Variants in CYP2F1 observed in about 807,000 individuals in gnomAD.
CYP2F1 encodes cytochrome P450 family 2 subfamily F member 1.
In CYP2F1, 33 loss-of-function variants were observed where a neutral mutation model predicts 40.4. The ratio of observed to expected loss-of-function variants is 0.82; its 90% CI spans 0.62 to 1.09. CYP2F1 has a LOEUF of 1.09. CYP2F1 is among the 50% of genes least tolerant of loss of function. The pLI is 0.00. For missense variants in CYP2F1, 566 were observed against 655.7 expected (o/e 0.86, Z 1.49); for synonymous variants, 235 against 277.2 (o/e 0.85, Z 1.51).
rs919554667 is a variant in CYP2F1 at position 41,116,042 on chromosome 19, C to T, written c.-11-136C>T. On this transcript the variant is annotated intron_variant, in intron 1 of 9. Transcript: ENST00000331105. ...CTTTCCTCCTTTCTCCCTCCCTTCC[C>T]CATCCCCTGGCCTCTCCCTGTCTCC... The T allele has an allele frequency of 3.8e-5, 28 of 734,884 alleles. No homozygotes were observed. The South Asian group carries it at 5.3e-4, about 14-fold the overall frequency. The allele number at this position is 734,884 out of a possible 1,614,324, so 45.5% of individuals were successfully genotyped here.
rs541860680 is a variant in CYP2F1, at chr19:41,120,722, T to A, written c.484+226T>A. Among the ~76,000 whole-genome samples, 4 of 152,032 alleles carry A rather than the reference T, an allele frequency of 2.6e-5. No homozygotes were observed. In the East Asian group the frequency reaches 6.0e-4, roughly 23 times the overall value. ...GTCTCAAACTCCTGTGTGCAAATGA[T>A]CCTCTTGCCTCTGCCTCCCAGAGTG... On this transcript the variant is annotated intron_variant, in intron 4 of 9. Transcript: ENST00000331105.
intron 3 of CYP2F1, among the ~76,000 whole-genome samples, chr19:41,119,723 C>CTCTCTCTATA (rs1478574507): frequency 4.7e-4 from 17 of 35,806 alleles, no homozygotes; most frequent in Admixed American, 8.6e-4. Flanking sequence ...CTCTCTCTCT[C>CTCTCTCTATA]TATATATATA....
rs1180419259 is a variant in CYP2F1 at position 41,116,744 on chromosome 19, GC to G, written c.334+128del. ...GCTGACATCACTGATGACACCAAAT[GC>G]AATGCAGCGAGGCAGTGTTGGTCTA... On this transcript the variant is annotated intron_variant, in intron 3 of 9. Coordinates refer to ENST00000331105, the MANE Select transcript of CYP2F1 (RefSeq NM_000774.5). 3 of 1,076,848 alleles carry G rather than the reference GC, an allele frequency of 2.8e-6. No individual in the cohort carries two copies. In the African/African-American group the frequency reaches 4.8e-5, roughly 17 times the overall value. The allele number at this position is 1,076,848 out of a possible 1,614,324, so 66.7% of individuals were successfully genotyped here.
chr19:41,123,481 G>C lies in CYP2F1; in HGVS notation c.964+518G>C, dbSNP rs180739252. ...GATCCACCTGCCTCAGCCTCCCAAAGTGCTGGGATTACAGGCGTGAGCCAC... is the reference window on the plus strand; with the variant it reads ...GATCCACCTGCCTCAGCCTCCCAAACTGCTGGGATTACAGGCGTGAGCCAC... On this transcript the variant is annotated intron_variant, in intron 7 of 9. Coordinates refer to ENST00000331105, the MANE Select transcript of CYP2F1 (RefSeq NM_000774.5). 6.1e-4 allele frequency: 202 copies of C among 332,194 alleles called. 1 individual carries two copies. Among genetic ancestry groups the C allele is most frequent in the Non-Finnish European group, 4.7e-4 (79 of 169,746 alleles). 20.6% of individuals were successfully genotyped at this position (332,194 alleles called of 1,614,324 possible).
chr19:41,123,124 C>T (rs1484518451), intron 7 of CYP2F1, 161 bp downstream of exon 7: 1 of 801,070 alleles, frequency 1.2e-6, no homozygotes, highest in Admixed American at 2.0e-5. Flanking sequence ...GATCCCACCA[C>T]ATGGCCCATG....
rs1290627675 is a variant in CYP2F1, at chr19:41,119,723, C to CTATA, written c.335-601_335-598dup. Among the ~76,000 whole-genome samples, 79 of 35,730 alleles carry CTATA rather than the reference C, an allele frequency of 2.2e-3. 1 individual carries two copies. The highest frequency in any genetic ancestry group is 2.5e-3 in the Non-Finnish European group (48 of 19,210). The allele number at this position is 35,730 out of a possible 152,430, so 23.4% of individuals were successfully genotyped here. A position where few individuals can be genotyped will look rare whatever the true frequency, so the allele number is the denominator to read the frequency against. On this transcript the variant is annotated intron_variant, in intron 3 of 9. Transcript: ENST00000331105. The stretch of plus-strand genomic sequence containing the variant: ...TCTCTCTCTCTCTCTCTCTCTCTCT[C>CTATA]TATATATATATATATATATATATAT...
At chr19:41,123,220 CG>C (rs2056181321) in intron 7 of CYP2F1, 1 of 565,148 alleles carries the variant, frequency 1.8e-6, no homozygotes, top group Non-Finnish European at 3.4e-6. Context: ...TTTTTGGAGA[CG>C]GAGTCTGGCT....
chr19:41,119,025 G>T (rs1370559291), intron 3 of CYP2F1, among the ~76,000 whole-genome samples: 2 of 152,162 alleles, frequency 1.3e-5, no homozygotes, highest in African/African-American at 2.4e-5. Context: ...TCCAGGCTGG[G>T]ATGGGGGAAG....
In CYP2F1 at chr19:41,116,634, T is replaced by A; in HGVS notation, c.334+17T>A. On this transcript the variant is annotated intron_variant, in intron 3 of 9. Transcript: ENST00000331105. ...AGGGCAATGGTAAGCCTCGTCCTTG[T>A]CTCCTCCGCTCTCGGCCTTTTCCAT... 1 of 1,611,894 alleles carries A rather than the reference T, an allele frequency of 6.2e-7. No individual in the cohort carries two copies. The highest frequency in any genetic ancestry group is 8.5e-7 in the Non-Finnish European group (1 of 1,179,156).
rs1479841979 is a variant in CYP2F1 at position 41,125,573 on chromosome 19, G to A, written c.1233G>A (p.Glu411=). The part of the protein sequence containing the change: ...QFLTPQEFNP[E]HFLDANQSFK... ...TGACGCCCCAGGAGTTCAACCCCGA[G>A]CATTTTTTGGATGCCAATCAGTCCT... The change falls in exon 9 of 10, where the codon GAG becomes GAA. Residue 411 remains glutamate (E), a synonymous_variant. Coordinates refer to ENST00000331105, the MANE Select transcript of CYP2F1 (RefSeq NM_000774.5). 6.2e-7 allele frequency: 1 copy of A among 1,609,518 alleles called. No individual in the cohort carries two copies. The highest frequency in any genetic ancestry group is 8.5e-7 in the Non-Finnish European group (1 of 1,177,698).
chr19:41,116,563 G>A lies in CYP2F1; in HGVS notation c.280G>A (p.Glu94Lys). The change falls in exon 3 of 10, where the codon GAG (glutamate) becomes AAG (lysine). Residue 94 changes from glutamate (E) to lysine (K), a missense_variant. Physicochemically the swap from Glu to Lys is moderately conservative, Grantham distance 56 (BLOSUM62 1). Transcript: ENST00000331105. Reference protein sequence around the residue: ...VKEALVDQGEEFSGRGDYPAF... With the variant: ...VKEALVDQGEKFSGRGDYPAF... Reference sequence around the variant, plus strand: ...GGAGGCCCTGGTGGACCAGGGAGAGGAGTTTAGTGGCCGCGGTGACTACCC... The same window carrying A: ...GGAGGCCCTGGTGGACCAGGGAGAGAAGTTTAGTGGCCGCGGTGACTACCC... 6.2e-7 allele frequency: 1 copy of A among 1,614,034 alleles called. No individual in the cohort carries two copies. Among genetic ancestry groups the A allele is most frequent in the Non-Finnish European group, 8.5e-7 (1 of 1,179,992 alleles).
chr19:41,124,476 A>G (rs1249203338), intron 7 of CYP2F1, among the ~76,000 whole-genome samples: 1 of 151,610 alleles, frequency 6.6e-6, no homozygotes, highest in Non-Finnish European at 1.5e-5. Flanking sequence ...TGTTGCCCAG[A>G]TGGTCTCAAA....
At chr19:41,126,944 A>T (rs1003280100) in intron 9 of CYP2F1, among the ~76,000 whole-genome samples, 1 of 151,788 alleles carries the variant, frequency 6.6e-6, no homozygotes, top group African/African-American at 2.4e-5. Flanking sequence ...CTCCCTCTTT[A>T]CTCAGTGGCA....
Position 41,121,613 on chromosome 19 carries a change from G to A in CYP2F1, c.640G>A (p.Gly214Ser), listed in dbSNP as rs764523727. The A allele has an allele frequency of 4.0e-5, 64 of 1,609,438 alleles. 2 individuals carry two copies. The highest frequency in any genetic ancestry group is 1.8e-4 in the South Asian group (16 of 90,834). ...DNFQIMSSPW[G>S]ELYDIFPSLL... is the part of the protein sequence containing the mutation. ...CTTCCAAATCATGAGCAGCCCCTGGGGCGAGGTCAGCCAACTGAGTCCAGC... is the reference window on the plus strand; with the variant it reads ...CTTCCAAATCATGAGCAGCCCCTGGAGCGAGGTCAGCCAACTGAGTCCAGC... Residue 214 changes from glycine (G) to serine (S), a missense_variant, in exon 5 of 10, where the codon GGC (glycine) becomes AGC (serine). Around this residue, in one of 5 missense-constraint regions of CYP2F1, gnomAD observed 264 missense variants for 275.7 expected, o/e 0.96. Transcript: ENST00000331105.
Position 41,116,683 on chromosome 19 carries a change from G to A in CYP2F1, c.334+66G>A, listed in dbSNP as rs2031832580. The A allele has an allele frequency of 9.7e-6, 15 of 1,547,056 alleles. No individual in the cohort carries two copies. In the South Asian group the frequency reaches 1.6e-4, roughly 17 times the overall value. On this transcript the variant is annotated intron_variant, in intron 3 of 9. Coordinates refer to ENST00000331105, the MANE Select transcript of CYP2F1 (RefSeq NM_000774.5). ...ATATTGAGGGAGGGGGTGAGGGTGA[G>A]AGACTGTTGTCTCAATCTTGTTGAC...
intron 9 of CYP2F1, 38 bp downstream of exon 9, chr19:41,125,672 T>G: frequency 3.7e-6 from 6 of 1,613,950 alleles, no homozygotes; most frequent in Non-Finnish European, 5.1e-6. Context: ...GCCCAATTTC[T>G]ACCTACATTC....
Position 41,116,533 on chromosome 19 carries a change from G to T in CYP2F1, c.250G>T (p.Val84Leu). The change falls in exon 3 of 10, where the codon GTG becomes TTG. Residue 84 changes from valine (V) to leucine (L), a missense_variant. Val to Leu is a conservative substitution (Grantham distance 32, BLOSUM62 1). Around this residue, in one of 5 missense-constraint regions of CYP2F1, gnomAD observed 264 missense variants for 275.7 expected, o/e 0.96. Transcript: ENST00000331105. ...RVVVLSGYQA[V>L]KEALVDQGEE... ...GGTGGTCCTCAGCGGGTACCAAGCT[G>T]TGAAGGAGGCCCTGGTGGACCAGGG... 1 of 1,614,058 alleles carries T rather than the reference G, an allele frequency of 6.2e-7. No individual in the cohort carries two copies. Among genetic ancestry groups the T allele is most frequent in the Non-Finnish European group, 8.5e-7 (1 of 1,179,978 alleles).
intron 9 of CYP2F1, 91 bp from the exon 10 acceptor site, chr19:41,127,810 T>A (rs149394322): frequency 0.026 from 24,423 of 941,748 alleles, 1,149 homozygotes; most frequent in African/African-American, 0.18. Flanking sequence ...GCTGTCTTCC[T>A]TTCCTCTTAT....
intron 1 of CYP2F1, among the ~76,000 whole-genome samples, chr19:41,115,253 T>C (rs912993845): frequency 6.6e-6 from 1 of 152,134 alleles, no homozygotes; most frequent in Non-Finnish European, 1.5e-5. Flanking sequence ...TGTCTCTCCC[T>C]CTCTCTGTCC....
Sources: allele counts gnomAD v4.1 joint callset (sites outside exome capture counted in the v4.1 genomes callset), GRCh38; gene constraint gnomAD v4.1.1; regional missense constraint gnomAD v4.1.1; transcripts MANE v1.5; gene names NCBI Gene and HGNC (gene_info 2026-07-23, HGNC 2026-07-21).